Variants in FRRS1 observed in about 807,000 individuals in gnomAD.
FRRS1 encodes ferric chelate reductase 1.
A neutral mutation model predicts 70.7 loss-of-function variants in FRRS1; 51 were observed. The observed-to-expected ratio is 0.72, with a 90% CI of 0.58 to 0.91. The LOEUF (loss-of-function observed/expected upper bound fraction) is 0.91. FRRS1 is among the 40% of genes least tolerant of loss of function. The pLI is 0.00. For missense variants in FRRS1, 672 were observed against 726.0 expected (o/e 0.93, Z 0.86); for synonymous variants, 225 against 238.7 (o/e 0.94, Z 0.53).
rs772365710 is a variant in FRRS1, at chr1:99,709,050, A to T, written c.1757T>A (p.Leu586Ter). The T allele has an allele frequency of 8.1e-6, 13 of 1,613,926 alleles. No homozygotes were observed. Among genetic ancestry groups the T allele is most frequent in the Non-Finnish European group, 1.1e-5 (13 of 1,179,976 alleles). ...CGNVTFLIIF[L>*]SAINHL is the part of the protein sequence containing the mutation. ...TGCTCATAGATGGTTGATTGCAGAT[A>T]AAAATATGATGAGAAAAGTAACATT... The change falls in exon 17 of 17, where the codon TTA (leucine) becomes TAA (stop). Residue 586 changes from leucine to a stop codon, truncating the protein, a stop_gained. Transcript: ENST00000646001. LOFTEE classifies it high-confidence loss of function.
chr1:99,764,849 G>A (rs1657276660), intron 1 of FRRS1, among the ~76,000 whole-genome samples: 1 of 152,190 alleles, frequency 6.6e-6, no homozygotes, highest in South Asian at 2.1e-4. Flanking sequence ...ATATAAAACT[G>A]TCTTCCTTTC....
rs573339073 is a variant in FRRS1, at chr1:99,736,904, TG to T, written c.759+1181del. Among the ~76,000 whole-genome samples the T allele has an allele frequency of 5.2e-3, 789 of 152,112 alleles. 7 individuals carry two copies. The Middle Eastern group carries it at 0.089, about 17-fold the overall frequency. On this transcript the variant is annotated intron_variant, in intron 7 of 16. Coordinates refer to ENST00000646001, the MANE Select transcript of FRRS1 (RefSeq NM_001361041.2). ...TGCAAACACTGCTCCAGGACCAATG[TG>T]ATCAAGTGCACTTTCAGGACGAGCA...
At position 99,748,645 on chromosome 1, in the gene FRRS1, T is replaced by C; in HGVS notation, c.124A>G (p.Ser42Gly). ...CHGMIPEHGHSPQSVPVHDIY... is the reference protein window; with the variant it reads ...CHGMIPEHGHGPQSVPVHDIY... Reference sequence around the variant, plus strand: ...TCATGAACAGGAACAGACTGTGGACTATGACCATGTTCAGGAATCATTCCA... The same window carrying C: ...TCATGAACAGGAACAGACTGTGGACCATGACCATGTTCAGGAATCATTCCA... The change falls in exon 3 of 17, where the codon AGT becomes GGT. Residue 42 changes from serine to glycine, a missense_variant. By Grantham distance (56) the Ser-to-Gly change is moderately conservative. Coordinates refer to ENST00000646001, the MANE Select transcript of FRRS1 (RefSeq NM_001361041.2). 6.2e-7 allele frequency: 1 copy of C among 1,614,096 alleles called. No homozygotes were observed. The highest frequency in any genetic ancestry group is 8.5e-7 in the Non-Finnish European group (1 of 1,179,952).
rs1656732898 is a variant in FRRS1 at position 99,754,506 on chromosome 1, AAAG to A, written c.-105-5508_-105-5506del. 2.2e-3 allele frequency among the ~76,000 whole-genome samples: 223 copies of A among 101,012 alleles called. 1 individual carries two copies. The highest frequency in any genetic ancestry group is 0.012 in the African/African-American group (215 of 17,608). The allele number at this position is 101,012 out of a possible 152,430, so 66.3% of individuals were successfully genotyped here. ...GTCTCAAAGAGAGAGAGAGAGAGAG[AAAG>A]AGAGAGAGAGAGAGAGAAATGCACA... On this transcript the variant is annotated intron_variant, in intron 1 of 16. Coordinates refer to ENST00000646001, the MANE Select transcript of FRRS1 (RefSeq NM_001361041.2).
At chr1:99,737,887 C>T (rs920371008) in intron 7 of FRRS1, among the ~76,000 whole-genome samples, 199 bp downstream of exon 7, 11 of 151,974 alleles carry the variant, frequency 7.2e-5, no homozygotes, top group African/African-American at 1.2e-4. Flanking sequence ...GGATTACAAG[C>T]GCCCGCCACG....
intron 15 of FRRS1, 42 bp from the exon 16 acceptor site, chr1:99,709,301 G>T: frequency 7.2e-7 from 1 of 1,386,566 alleles, no homozygotes; most frequent in Non-Finnish European, 1.0e-6. Context: ...GCAGCGTTAT[G>T]CAGGTAAATT....
At chr1:99,749,417 T>A (rs1656462618) in intron 1 of FRRS1, among the ~76,000 whole-genome samples, 1 of 152,166 alleles carries the variant, frequency 6.6e-6, no homozygotes, top group Non-Finnish European at 1.5e-5. Context: ...TTGGAAATAA[T>A]AAACTAGTCA....
chr1:99,742,559 T>C (rs1656024974), intron 4 of FRRS1, among the ~76,000 whole-genome samples: 1 of 152,228 alleles, frequency 6.6e-6, no homozygotes, highest in Non-Finnish European at 1.5e-5. Flanking sequence ...GCTCATTGTT[T>C]CATGTACATT....
At chr1:99,741,824 TA>T (rs1159322218) in intron 5 of FRRS1, among the ~76,000 whole-genome samples, 1 of 152,244 alleles carries the variant, frequency 6.6e-6, no homozygotes, top group African/African-American at 2.4e-5. Flanking sequence ...AAATGTCTAT[TA>T]AATGTGTATT....
chr1:99,752,912 G>A (rs2100990705), intron 1 of FRRS1, among the ~76,000 whole-genome samples: 1 of 152,082 alleles, frequency 6.6e-6, no homozygotes, highest in East Asian at 1.9e-4. Context: ...ACAGGACAAG[G>A]GGGCTGGTCT....
intron 7 of FRRS1, among the ~76,000 whole-genome samples, chr1:99,737,689 T>C (rs1655737786): frequency 6.6e-6 from 1 of 152,180 alleles, no homozygotes. Context: ...GGATGATCAT[T>C]TGACCCTGGA....
chr1:99,720,517 A>G (rs1352098899), intron 9 of FRRS1, among the ~76,000 whole-genome samples: 1 of 152,162 alleles, frequency 6.6e-6, no homozygotes, highest in Non-Finnish European at 1.5e-5. Flanking sequence ...ACCTTTGTCT[A>G]AAACAAATGA....
intron 1 of FRRS1, among the ~76,000 whole-genome samples, chr1:99,758,129 C>T (rs1656930858): frequency 6.6e-6 from 1 of 152,174 alleles, no homozygotes; most frequent in Non-Finnish European, 1.5e-5. Context: ...TATGCATTGG[C>T]TTATGCTCAG....
intron 7 of FRRS1, among the ~76,000 whole-genome samples, chr1:99,734,871 A>G (rs1191574226): frequency 1.3e-5 from 2 of 152,204 alleles, no homozygotes; most frequent in African/African-American, 4.8e-5. Context: ...GCAGCTGGAA[A>G]TCACAGTCTG....
At chr1:99,752,268 GC>G (rs981108202) in intron 1 of FRRS1, among the ~76,000 whole-genome samples, 12 of 152,300 alleles carry the variant, frequency 7.9e-5, no homozygotes, top group African/African-American at 2.9e-4. Context: ...CTGACTTTCA[GC>G]CACTCTTGGC....
chr1:99,738,119 A>T lies in FRRS1; in HGVS notation c.726T>A (p.Tyr242Ter), dbSNP rs779672281. Residue 242 changes from tyrosine to a stop codon, truncating the protein, a stop_gained, in exon 7 of 17, where the codon TAT (tyrosine) becomes TAA (stop). Coordinates refer to ENST00000646001, the MANE Select transcript of FRRS1 (RefSeq NM_001361041.2). LOFTEE classifies it high-confidence loss of function. Reference sequence around the variant, plus strand: ...GATCATGAGACAATGCAAAGGATAAATAGCCTTTACTGGGGCCGCTCATTT... The same window carrying T: ...GATCATGAGACAATGCAAAGGATAATTAGCCTTTACTGGGGCCGCTCATTT... ...MVEMSGPSKG[Y>*]LSFALSHDQW... The T allele has an allele frequency of 1.2e-6, 2 of 1,613,578 alleles. No individual in the cohort carries two copies. Among genetic ancestry groups the T allele is most frequent in the South Asian group, 2.2e-5 (2 of 91,040 alleles).
At chr1:99,735,075 T>C (rs1373165124) in intron 7 of FRRS1, among the ~76,000 whole-genome samples, 1 of 152,224 alleles carries the variant, frequency 6.6e-6, no homozygotes, top group Non-Finnish European at 1.5e-5. Context: ...CTTAAACTCA[T>C]AGGTAAGTTC....
chr1:99,762,596 T>C (rs774253762), intron 1 of FRRS1, among the ~76,000 whole-genome samples: 6 of 152,082 alleles, frequency 3.9e-5, no homozygotes, highest in Non-Finnish European at 8.8e-5. Flanking sequence ...TCTACAATGC[T>C]GTGACACAGA....
intron 6 of FRRS1, among the ~76,000 whole-genome samples, 174 bp from the exon 7 acceptor site, chr1:99,738,442 C>A (rs1489560002): frequency 6.6e-6 from 1 of 152,088 alleles, no homozygotes; most frequent in East Asian, 1.9e-4. Flanking sequence ...TAAAAATGAT[C>A]GGAGCAGTAG....
Sources: allele counts gnomAD v4.1 joint callset (sites outside exome capture counted in the v4.1 genomes callset), GRCh38; gene constraint gnomAD v4.1.1; transcripts MANE v1.5; gene names NCBI Gene and HGNC (gene_info 2026-07-23, HGNC 2026-07-21).